GRAMD1B: variants seen among roughly 807,000 people sequenced by gnomAD.
The protein encoded by GRAMD1B is protein Aster-B.
GRAMD1B carries 37 observed loss-of-function variants against 99.7 expected under a neutral mutation model. That is an observed-to-expected ratio of 0.37 (90% CI 0.29 to 0.49). The LOEUF is 0.49. GRAMD1B is among the 20% of genes least tolerant of loss of function. GRAMD1B has a pLI of 0.98. For synonymous variants in GRAMD1B, 427 were observed against 387.6 expected, an observed-to-expected ratio of 1.10 and a Z score of -1.19; for missense variants, 888 against 1,009.2, an observed-to-expected ratio of 0.88 and a Z score of 1.63.
At chr11:123,554,982 G>A (rs1051060021) in intron 2 of GRAMD1B, among the ~76,000 whole-genome samples, 2 of 152,162 alleles carry the variant, frequency 1.3e-5, no homozygotes, top group Non-Finnish European at 2.9e-5. Context: ...CACATAAGCT[G>A]GAAACTGCCC....
At chr11:123,426,586 C>A (rs777632899), upstream of GRAMD1B, among the ~76,000 whole-genome samples, 3 of 84,232 alleles carry the variant, frequency 3.6e-5, no homozygotes, top group African/African-American at 1.1e-4. Context: ...AATGGGCCAA[C>A]CGTTGGGATT....
At chr11:123,576,164 G>C (rs1459506962) in intron 2 of GRAMD1B, among the ~76,000 whole-genome samples, 15 of 152,284 alleles carry the variant, frequency 9.9e-5, no homozygotes, top group Admixed American at 2.6e-4. Flanking sequence ...TGCAAATGGG[G>C]CCAATGGGAC....
intron 2 of GRAMD1B, among the ~76,000 whole-genome samples, chr11:123,523,063 G>A (rs1278856686): frequency 1.3e-5 from 2 of 152,198 alleles, no homozygotes; most frequent in East Asian, 3.8e-4. Context: ...TGGGCGCGGT[G>A]GCTCATGCCT....
intron 2 of GRAMD1B, among the ~76,000 whole-genome samples, chr11:123,502,237 C>T (rs1939939479): frequency 6.6e-6 from 1 of 152,200 alleles, no homozygotes; most frequent in African/African-American, 2.4e-5. Context: ...GCAGTGATGT[C>T]CAGGCATTCG....
At chr11:123,559,601 C>T in intron 2 of GRAMD1B, 3 of 866,114 alleles carry the variant, frequency 3.5e-6, no homozygotes, top group Non-Finnish European at 2.8e-6. Flanking sequence ...ACTAATACTG[C>T]ATTTCGGTGA....
chr11:123,584,756 C>A (rs1400815540), intron 4 of GRAMD1B, among the ~76,000 whole-genome samples: 1 of 152,152 alleles, frequency 6.6e-6, no homozygotes, highest in Non-Finnish European at 1.5e-5. Flanking sequence ...GAAGAGTCAA[C>A]CCATGTGCTG....
intron 1 of GRAMD1B, among the ~76,000 whole-genome samples, chr11:123,407,976 G>A (rs1947912256): frequency 1.3e-5 from 2 of 152,206 alleles, no homozygotes; most frequent in African/African-American, 4.8e-5. Flanking sequence ...GTTATGATGA[G>A]GTGAAGCCTC....
intron 2 of GRAMD1B, among the ~76,000 whole-genome samples, chr11:123,507,861 T>C (rs996394783): frequency 2.0e-5 from 3 of 152,104 alleles, no homozygotes; most frequent in African/African-American, 7.2e-5. Flanking sequence ...TGGGTGCAGA[T>C]TGAGGAGGAA....
chr11:123,595,911 G>A lies in GRAMD1B; in HGVS notation c.874-31G>A, dbSNP rs764734746. 1.4e-5 allele frequency: 19 copies of A among 1,343,848 alleles called. No individual in the cohort carries two copies. The South Asian group carries it at 2.4e-4, about 17-fold the overall frequency. The allele number at this position is 1,343,848 out of a possible 1,614,324, so 83.2% of individuals were successfully genotyped here. On this transcript the variant is annotated intron_variant, in intron 6 of 19. Coordinates refer to ENST00000635736, the MANE Select transcript of GRAMD1B (RefSeq NM_001387025.1). ...GACTTACTAATGCCCCACTTTGCTTGTTGCCCATTCTCTGTCCTCTTGGAT... is the reference window on the plus strand; with the variant it reads ...GACTTACTAATGCCCCACTTTGCTTATTGCCCATTCTCTGTCCTCTTGGAT...
intron 2 of GRAMD1B, among the ~76,000 whole-genome samples, chr11:123,548,273 A>T (rs1945209503): frequency 7.0e-6 from 1 of 142,040 alleles, no homozygotes; most frequent in African/African-American, 2.6e-5. Context: ...TTAAATTGGA[A>T]GAGTCAGGCT....
intron 19 of GRAMD1B, among the ~76,000 whole-genome samples, chr11:123,620,438 C>T (rs1008052196): frequency 1.6e-5 from 1 of 64,312 alleles, no homozygotes; most frequent in Admixed American, 1.4e-4. Flanking sequence ...AGTGCCACTG[C>T]ACTCCAGCCT....
intron 1 of GRAMD1B, among the ~76,000 whole-genome samples, chr11:123,372,164 C>T (rs1339031377): frequency 2.0e-5 from 3 of 152,188 alleles, no homozygotes. Flanking sequence ...AATGTAATTA[C>T]CCAGCACTTC....
intron 10 of GRAMD1B, 47 bp downstream of exon 10, chr11:123,605,525 C>G: frequency 1.3e-6 from 2 of 1,496,338 alleles, no homozygotes; most frequent in Non-Finnish European, 1.8e-6. Context: ...CTGTGGCCAG[C>G]GTTTCCTAGC....
intron 1 of GRAMD1B, among the ~76,000 whole-genome samples, chr11:123,395,296 C>T (rs1947420505): frequency 6.6e-6 from 1 of 151,966 alleles, no homozygotes. Flanking sequence ...TCTTTCTCAG[C>T]TAAACATAAA....
intron 2 of GRAMD1B, among the ~76,000 whole-genome samples, chr11:123,555,644 C>T (rs1946109001): frequency 6.6e-6 from 1 of 150,832 alleles, no homozygotes. Flanking sequence ...CCACTGTGCC[C>T]AGTGGAAAAG....
intron 1 of GRAMD1B, among the ~76,000 whole-genome samples, chr11:123,467,076 G>A (rs1428644458): frequency 6.6e-6 from 1 of 152,146 alleles, no homozygotes; most frequent in African/African-American, 2.4e-5. Flanking sequence ...TTTATTGTAG[G>A]TGAGGGATCA....
At position 123,538,706 on chromosome 11, in the gene GRAMD1B, G is replaced by C. The variant is rs527961873; in HGVS notation, c.453-38661G>C. 5.3e-5 allele frequency among the ~76,000 whole-genome samples: 8 copies of C among 152,022 alleles called. No homozygotes were observed. The South Asian group carries it at 1.7e-3, about 32-fold the overall frequency. Reference sequence around the variant, plus strand: ...TCAATCTGGGCTCACTGCAACCTCTGCTTCCCGGGTTCAAGCGATCCTCCC... The same window carrying C: ...TCAATCTGGGCTCACTGCAACCTCTCCTTCCCGGGTTCAAGCGATCCTCCC... On this transcript the variant is annotated intron_variant, in intron 2 of 19. Transcript: ENST00000635736.
intron 2 of GRAMD1B, among the ~76,000 whole-genome samples, chr11:123,511,859 C>G (rs1941058679): frequency 6.6e-6 from 1 of 152,242 alleles, no homozygotes; most frequent in South Asian, 2.1e-4. Context: ...TTCTGCTCCT[C>G]CCAGCCCTAC....
chr11:123,618,702 G>T lies in GRAMD1B; in HGVS notation c.2328G>T (p.Leu776=). 1 of 1,567,718 alleles carries T rather than the reference G, an allele frequency of 6.4e-7. No homozygotes were observed. Residue 776 remains leucine (L), a synonymous_variant, in exon 18 of 20, where the codon CTG becomes CTT. Transcript: ENST00000635736. ...LLLVISCVLV[L]LVILNMMLFY... The stretch of plus-strand genomic sequence containing the variant: ...CACGTCTCCTTCCTAGTCTGGTGCT[G>T]CTGGTCATCCTTAACATGATGCTCT...
Sources: gnomAD v4.1 joint callset for allele counts (sites outside exome capture counted in the v4.1 genomes callset) on GRCh38, gnomAD v4.1.1 for gene constraint, MANE v1.5 for transcripts, NCBI Gene and HGNC (gene_info 2026-07-23, HGNC 2026-07-21) for gene names.